The following SND1 variants were observed in gnomAD, a reference collection of about 807,000 sequenced individuals.
SND1 encodes the protein staphylococcal nuclease domain-containing protein 1.
In SND1, 38 loss-of-function variants were observed where a neutral mutation model predicts 121.7. The ratio of observed to expected loss-of-function variants is 0.31; its 90% CI spans 0.24 to 0.41. SND1 has a LOEUF of 0.41. SND1 is among the 10% of genes least tolerant of loss of function. The pLI, the probability that SND1 is intolerant of heterozygous loss-of-function variation, is 1.00. For synonymous variants in SND1, 401 were observed against 447.4 expected, an observed-to-expected ratio of 0.90 and a Z score of 1.31; for missense variants, 868 against 1,184.6, an observed-to-expected ratio of 0.73 and a Z score of 3.92.
intron 16 of SND1, among the ~76,000 whole-genome samples, chr7:128,035,077 C>A (rs1792723187): frequency 6.6e-6 from 1 of 152,212 alleles, no homozygotes; most frequent in Non-Finnish European, 1.5e-5. Context: ...CTAAAAAAGC[C>A]AGCAGTGATT....
At chr7:128,010,200 G>C (rs1445638279) in intron 16 of SND1, among the ~76,000 whole-genome samples, 1 of 152,190 alleles carries the variant, frequency 6.6e-6, no homozygotes. Flanking sequence ...TTCAACACTT[G>C]TTGAATGCTT....
chr7:127,855,151 C>T (rs927348561), intron 12 of SND1, among the ~76,000 whole-genome samples: 1 of 151,928 alleles, frequency 6.6e-6, no homozygotes, highest in Non-Finnish European at 1.5e-5. Flanking sequence ...CAGGGTCTCA[C>T]TCTGTCACCC....
At chr7:127,861,136 G>T (rs910052587) in intron 12 of SND1, among the ~76,000 whole-genome samples, 1 of 152,140 alleles carries the variant, frequency 6.6e-6, no homozygotes, top group African/African-American at 2.4e-5. Context: ...TATTCAGCCA[G>T]TAAACACAGG....
At position 127,829,244 on chromosome 7, in the gene SND1, GTCT is replaced by G. The variant is rs543983898; in HGVS notation, c.1243-15075_1243-15073del. On this transcript the variant is annotated intron_variant, in intron 11 of 23. Coordinates refer to ENST00000354725, the MANE Select transcript of SND1 (RefSeq NM_014390.4). The stretch of plus-strand genomic sequence containing the variant: ...CCTCCCCCACATAGTTTAGATCTGT[GTCT>G]TCTTTGCATCCTGAACAGTGGCTGT... Among the ~76,000 whole-genome samples, 19 of 152,192 alleles carry G rather than the reference GTCT, an allele frequency of 1.2e-4. No homozygotes were observed. In the South Asian group the frequency reaches 3.9e-3, roughly 32 times the overall value.
chr7:127,908,980 A>T (rs1563054926), intron 14 of SND1, among the ~76,000 whole-genome samples: 1 of 152,188 alleles, frequency 6.6e-6, no homozygotes, highest in Non-Finnish European at 1.5e-5. Context: ...CTCAAGTTGC[A>T]GCCAGCCCTG....
At chr7:127,977,160 G>C (rs1802140392) in intron 15 of SND1, among the ~76,000 whole-genome samples, 1 of 152,140 alleles carries the variant, frequency 6.6e-6, no homozygotes, top group Non-Finnish European at 1.5e-5. Flanking sequence ...GATGCTCCCT[G>C]TTGCACACTC....
intron 6 of SND1, 49 bp from the exon 7 acceptor site, chr7:127,703,116 A>G (rs995828346): frequency 6.9e-6 from 11 of 1,600,716 alleles, no homozygotes; most frequent in Non-Finnish European, 8.6e-6. Flanking sequence ...GAGAGTGCCT[A>G]GCACTCACAT....
chr7:127,803,269 C>T (rs2116568080), intron 10 of SND1, among the ~76,000 whole-genome samples: 1 of 152,220 alleles, frequency 6.6e-6, no homozygotes, highest in South Asian at 2.1e-4. Flanking sequence ...TGCGGCCTGC[C>T]CTGATATTAC....
At chr7:127,859,407 T>A (rs1232636355) in intron 12 of SND1, among the ~76,000 whole-genome samples, 1 of 152,186 alleles carries the variant, frequency 6.6e-6, no homozygotes, top group African/African-American at 2.4e-5. Context: ...AACTGATTGG[T>A]TGGCTTCCTG....
intron 11 of SND1, among the ~76,000 whole-genome samples, chr7:127,814,927 T>G (rs1798404153): frequency 6.6e-6 from 1 of 152,220 alleles, no homozygotes; most frequent in Non-Finnish European, 1.5e-5. Context: ...ATTTGGGTCA[T>G]GTAGTTGTAA....
chr7:127,732,971 CTG>C (rs1407303021), intron 10 of SND1, among the ~76,000 whole-genome samples: 1 of 152,118 alleles, frequency 6.6e-6, no homozygotes, highest in Non-Finnish European at 1.5e-5. Context: ...TGTTTAGAGA[CTG>C]TAAGATTTAC....
chr7:127,928,750 G>A (rs991534332), intron 14 of SND1, among the ~76,000 whole-genome samples: 7 of 151,948 alleles, frequency 4.6e-5, no homozygotes, highest in African/African-American at 9.7e-5. Context: ...CACCATGCCC[G>A]GCTAATTTTT....
intron 14 of SND1, 90 bp from the exon 15 acceptor site, chr7:127,929,098 T>C (rs1469824618): frequency 7.3e-7 from 1 of 1,361,728 alleles, no homozygotes; most frequent in Non-Finnish European, 1.0e-6. Flanking sequence ...TTTGCTTAGC[T>C]TCCTGCCAAA....
intron 11 of SND1, among the ~76,000 whole-genome samples, chr7:127,824,218 GGTGATAGAAAAAAATCTGATTTTA>G (rs1258600980): frequency 6.6e-6 from 1 of 152,122 alleles, no homozygotes; most frequent in Admixed American, 6.5e-5. Flanking sequence ...GACTGCACTA[GGTGATAGAAAAAAATCTGATTTTA>G]TATACATCCA....
chr7:127,857,470 A>C (rs1447631136), intron 12 of SND1, among the ~76,000 whole-genome samples: 3 of 142,632 alleles, frequency 2.1e-5, no homozygotes, highest in South Asian at 2.2e-4. Flanking sequence ...CCCAAAGAAC[A>C]CTTTTTTAAA....
chr7:128,089,745 AAG>A (rs1246788136), intron 22 of SND1, 53 bp downstream of exon 22: 3 of 1,517,700 alleles, frequency 2.0e-6, no homozygotes, highest in Non-Finnish European at 2.7e-6. Flanking sequence ...CTCACAGAGA[AAG>A]GGACTGTTCC....
At chr7:127,701,100 A>G (rs1443637310) in intron 4 of SND1, 63 bp from the exon 5 acceptor site, 3 of 1,570,362 alleles carry the variant, frequency 1.9e-6, no homozygotes, top group Non-Finnish European at 2.6e-6. Flanking sequence ...AACCTATATC[A>G]GAGAGCCTCG....
At chr7:128,080,454 G>C (rs1793578919) in intron 17 of SND1, among the ~76,000 whole-genome samples, 1 of 152,266 alleles carries the variant, frequency 6.6e-6, no homozygotes, top group Admixed American at 6.5e-5. Flanking sequence ...TGCTGGAGGT[G>C]AGGAGGATGG....
At position 128,029,474 on chromosome 7, in the gene SND1, C is replaced by T; in HGVS notation, c.1779+38418C>T. On this transcript the variant is annotated intron_variant, in intron 16 of 23. Coordinates refer to ENST00000354725, the MANE Select transcript of SND1 (RefSeq NM_014390.4). The surrounding 1 kb of genome is among the most constrained non-coding windows in gnomAD (Gnocchi z 4.2). ...GGCGGGAGGCGTGGCTGAGCACTGT[C>T]CCATTGGGCAGCAACCACTTCACGG... The T allele has an allele frequency of 1.9e-6, 3 of 1,614,144 alleles. No homozygotes were observed. Among genetic ancestry groups the T allele is most frequent in the Non-Finnish European group, 2.5e-6 (3 of 1,180,036 alleles).
Sources: gnomAD v4.1 joint callset for allele counts (sites outside exome capture counted in the v4.1 genomes callset) on GRCh38, gnomAD v4.1.1 for gene constraint, Gnocchi (gnomAD v3.1) non-coding constraint, MANE v1.5 for transcripts, NCBI Gene and HGNC (gene_info 2026-07-23, HGNC 2026-07-21) for gene names.